The following PTPRZ1 variants were observed in gnomAD, a reference collection of about 807,000 sequenced individuals.
PTPRZ1 encodes protein tyrosine phosphatase receptor type Z1.
Under a neutral mutation model 214.1 loss-of-function variants are expected in PTPRZ1, and 82 were observed. That is an observed-to-expected ratio of 0.38 (90% confidence interval 0.32 to 0.46). PTPRZ1 has a LOEUF of 0.46. PTPRZ1 is among the 20% of genes least tolerant of loss of function. The pLI, the probability that PTPRZ1 is intolerant of heterozygous loss-of-function variation, is 1.00. For missense variants in PTPRZ1, 2,603 were observed against 2,748.7 expected (o/e 0.95, Z 1.19); for synonymous variants, 945 against 987.9 (o/e 0.96, Z 0.81).
chr7:121,935,717 G>A (rs553465616), intron 2 of PTPRZ1, among the ~76,000 whole-genome samples: 10 of 152,016 alleles, frequency 6.6e-5, no homozygotes, highest in South Asian at 2.1e-4. Flanking sequence ...ACAGGCGCCC[G>A]CCACCACATC....
intron 13 of PTPRZ1, among the ~76,000 whole-genome samples, chr7:122,027,126 A>G (rs1273513988): frequency 6.6e-6 from 1 of 152,226 alleles, no homozygotes; most frequent in Non-Finnish European, 1.5e-5. Flanking sequence ...CTTAGCTGTC[A>G]TGATCAGGGG....
chr7:121,875,075 T>C (rs1380141119), intron 1 of PTPRZ1, among the ~76,000 whole-genome samples: 1 of 152,002 alleles, frequency 6.6e-6, no homozygotes, highest in Non-Finnish European at 1.5e-5. Flanking sequence ...TCACACATTA[T>C]ACAATTCATC....
At chr7:122,050,944 A>G (rs1792160613) in intron 23 of PTPRZ1, among the ~76,000 whole-genome samples, 1 of 152,240 alleles carries the variant, frequency 6.6e-6, no homozygotes, top group African/African-American at 2.4e-5. Flanking sequence ...ATAAAGCTAT[A>G]CAATTGCAAA....
intron 8 of PTPRZ1, among the ~76,000 whole-genome samples, chr7:121,993,564 G>T (rs1366464778): frequency 9.7e-6 from 1 of 103,212 alleles, no homozygotes; most frequent in Non-Finnish European, 1.8e-5. Flanking sequence ...GACAGAGCGA[G>T]ACTGTCTCAA....
chr7:121,987,108 A>C (rs925195172), intron 8 of PTPRZ1, among the ~76,000 whole-genome samples: 2 of 152,200 alleles, frequency 1.3e-5, no homozygotes, highest in Non-Finnish European at 2.9e-5. Flanking sequence ...AGTTTTTATT[A>C]GTGTTTTGTA....
chr7:122,036,715 A>G (rs769783721), intron 18 of PTPRZ1, 33 bp downstream of exon 18: 11 of 1,426,432 alleles, frequency 7.7e-6, no homozygotes, highest in Non-Finnish European at 1.1e-5. Flanking sequence ...TTTTATAGAA[A>G]TCATATTAGA....
chr7:122,040,815 G>T lies in PTPRZ1; in HGVS notation c.5638-1G>T. 1 of 1,538,572 alleles carries T rather than the reference G, an allele frequency of 6.5e-7. No individual in the cohort carries two copies. Among genetic ancestry groups the T allele is most frequent in the South Asian group, 1.2e-5 (1 of 82,276 alleles). ...GTTATTAACTGTCTGAACTTTTCCA[G>T]GGCTCCCAGAAAGGAAGACCCAGTG... On this transcript the variant is annotated splice_acceptor_variant, in intron 20 of 29. Transcript: ENST00000393386. LOFTEE classifies it high-confidence loss of function.
chr7:121,995,436 A>T (rs1918033), intron 8 of PTPRZ1, among the ~76,000 whole-genome samples: 17,508 of 152,188 alleles, frequency 0.12, 1,067 homozygotes, highest in East Asian at 0.16. Context: ...TCGTTAGTAA[A>T]ATATCATAAA....
chr7:122,002,401 G>T (rs1798358069), intron 10 of PTPRZ1, among the ~76,000 whole-genome samples: 1 of 152,126 alleles, frequency 6.6e-6, no homozygotes, highest in Non-Finnish European at 1.5e-5. Context: ...CAGAGCCAAG[G>T]AGGCCCAAAG....
intron 13 of PTPRZ1, among the ~76,000 whole-genome samples, chr7:122,027,136 G>C (rs889627132): frequency 1.3e-5 from 2 of 152,198 alleles, no homozygotes; most frequent in South Asian, 4.1e-4. Context: ...ATGATCAGGG[G>C]AAAACTCAGA....
At chr7:122,008,912 C>T (rs1477229856) in intron 11 of PTPRZ1, among the ~76,000 whole-genome samples, 1 of 152,082 alleles carries the variant, frequency 6.6e-6, no homozygotes, top group African/African-American at 2.4e-5. Context: ...AAATTATTCT[C>T]ATTTCCTTTT....
intron 2 of PTPRZ1, among the ~76,000 whole-genome samples, chr7:121,947,887 C>A (rs1195868257): frequency 1.3e-5 from 2 of 152,174 alleles, no homozygotes; most frequent in Non-Finnish European, 1.5e-5. Flanking sequence ...AACTGGGACA[C>A]ATGAAATGGA....
intron 23 of PTPRZ1, among the ~76,000 whole-genome samples, chr7:122,050,448 G>GGGAGGGGAAGGAAGGGGAGGGGAGA (rs1792139958): frequency 7.6e-6 from 1 of 131,354 alleles, no homozygotes; most frequent in African/African-American, 2.8e-5. Context: ...GGGAGGAGAG[G>GGGAGGGGAAGGAAGGGGAGGGGAGA]GGAGGGAAAA....
chr7:122,058,915 G>T lies in PTPRZ1; in HGVS notation c.6644G>T (p.Arg2215Met). Residue 2215 changes from arginine (R) to methionine (M), a missense_variant, in exon 28 of 30, where the codon AGG becomes ATG. Transcript: ENST00000393386. Reference protein sequence around the residue: ...ISVIKEEAANRDGPMIVHDEH... With the variant: ...ISVIKEEAANMDGPMIVHDEH... Reference sequence around the variant, plus strand: ...GTTATAAAAGAAGAAGCTGCCAATAGGGATGGGCCTATGATTGTTCATGAT... The same window carrying T: ...GTTATAAAAGAAGAAGCTGCCAATATGGATGGGCCTATGATTGTTCATGAT... 6.3e-7 allele frequency: 1 copy of T among 1,591,246 alleles called. No homozygotes were observed. Among genetic ancestry groups the T allele is most frequent in the Non-Finnish European group, 8.6e-7 (1 of 1,159,522 alleles).
At position 122,044,540 on chromosome 7, in the gene PTPRZ1, G is replaced by T; in HGVS notation, c.6056G>T (p.Gly2019Val). Reference sequence around the variant, plus strand: ...GCACTCCTCATTCCTGGACCAGCAGGCAAAACAAAGCTAGAGAAACAATTC... The same window carrying T: ...GCACTCCTCATTCCTGGACCAGCAGTCAAAACAAAGCTAGAGAAACAATTC... ...VNALLIPGPA[G>V]KTKLEKQFQL... The change falls in exon 23 of 30, where the codon GGC (glycine) becomes GTC (valine). Residue 2019 changes from glycine to valine, a missense_variant. Coordinates refer to ENST00000393386, the MANE Select transcript of PTPRZ1 (RefSeq NM_002851.3). 6.2e-7 allele frequency: 1 copy of T among 1,613,706 alleles called. No individual in the cohort carries two copies. Among genetic ancestry groups the T allele is most frequent in the Non-Finnish European group, 8.5e-7 (1 of 1,179,754 alleles).
Position 122,013,792 on chromosome 7 carries a change from G to C in PTPRZ1, c.4746G>C (p.Leu1582=), listed in dbSNP as rs371231584. 4.8e-5 allele frequency: 78 copies of C among 1,613,890 alleles called. No individual in the cohort carries two copies. In the South Asian group the frequency reaches 8.2e-4, roughly 17 times the overall value. Reference sequence around the variant, plus strand: ...ATGAAAAAGATGCTGATGGGATCCTGGCAGCAGGTGACTCAGAAATAACTC... The same window carrying C: ...ATGAAAAAGATGCTGATGGGATCCTCGCAGCAGGTGACTCAGAAATAACTC... ...DTNEKDADGI[L]AAGDSEITPG... is the part of the protein sequence containing the mutation. The change falls in exon 12 of 30, where the codon CTG becomes CTC. Residue 1582 remains leucine (L), a synonymous_variant. Coordinates refer to ENST00000393386, the MANE Select transcript of PTPRZ1 (RefSeq NM_002851.3).
intron 11 of PTPRZ1, among the ~76,000 whole-genome samples, chr7:122,008,258 GGGAACTTTTGCTGTGAA>G (rs1798551641): frequency 6.6e-6 from 1 of 152,008 alleles, no homozygotes; most frequent in South Asian, 2.1e-4. Context: ...CATATCTTTG[GGGAACTTTTGCTGTGAA>G]GGAGAGACGA....
intron 1 of PTPRZ1, chr7:121,908,869 A>T: frequency 4.0e-6 from 2 of 499,198 alleles, no homozygotes; most frequent in South Asian, 3.0e-5. Flanking sequence ...ATATATATAA[A>T]ATATATAGTG....
At chr7:121,916,312 A>G (rs1333773650) in intron 1 of PTPRZ1, among the ~76,000 whole-genome samples, 1 of 151,090 alleles carries the variant, frequency 6.6e-6, no homozygotes, top group Non-Finnish European at 1.5e-5. Context: ...TTTAACCGTT[A>G]CCATTATCAC....
Sources: allele counts gnomAD v4.1 joint callset (sites outside exome capture counted in the v4.1 genomes callset), GRCh38; gene constraint gnomAD v4.1.1; transcripts MANE v1.5; gene names NCBI Gene and HGNC (gene_info 2026-07-23, HGNC 2026-07-21).